The following CMC2 variants were observed in gnomAD, a reference collection of about 807,000 sequenced individuals.
CMC2 encodes the protein C-X9-C motif containing 2, also known as COX assembly mitochondrial protein 2 homolog.
A neutral mutation model predicts 7.5 loss-of-function variants in CMC2; 5 were observed. That is an observed-to-expected ratio of 0.66 (90% confidence interval 0.35 to 1.40). CMC2 has a LOEUF of 1.40. Ranked by LOEUF, CMC2 falls within the 40% of genes most tolerant of loss-of-function variation. The pLI, the probability that CMC2 is intolerant of heterozygous loss-of-function variation, is 0.04. For synonymous variants in CMC2, 37 were observed against 31.4 expected, an observed-to-expected ratio of 1.18 and a Z score of -0.60; for missense variants, 115 against 92.3, an observed-to-expected ratio of 1.25 and a Z score of -1.01.
intron 2 of CMC2, among the ~76,000 whole-genome samples, chr16:80,990,802 T>G (rs900806867): frequency 5.9e-5 from 9 of 152,126 alleles, no homozygotes; most frequent in Non-Finnish European, 1.0e-4. Flanking sequence ...TACTGCAGCC[T>G]TGACCTCCCA....
In CMC2 at chr16:80,970,344, A is replaced by C. The variant is rs1911831687; in HGVS notation, c.*5749T>G. ...GGAATCCTAACTGTAAAGGAATTGG[A>C]GAAAATGCAGTATTTAGCTTTTGAG... On this transcript the variant is annotated 3_prime_UTR_variant, in exon 4 of 4. Transcript: ENST00000219400. 1 of 152,226 alleles carries C rather than the reference A, an allele frequency of 6.6e-6. No homozygotes were observed. Among genetic ancestry groups the C allele is most frequent in the Non-Finnish European group, 1.5e-5 (1 of 68,050 alleles). The allele number at this position is 152,226 out of a possible 1,614,324, so 9.4% of individuals were successfully genotyped here.
intron 2 of CMC2, among the ~76,000 whole-genome samples, chr16:80,992,110 G>C (rs1291198730): frequency 1.3e-5 from 2 of 152,188 alleles, no homozygotes; most frequent in Admixed American, 1.3e-4. Context: ...CACTAGATGT[G>C]AGGTATATGG....
Position 80,973,267 on chromosome 16 carries a change from C to T in CMC2, c.*2826G>A, listed in dbSNP as rs62054243. On this transcript the variant is annotated 3_prime_UTR_variant, in exon 4 of 4. Transcript: ENST00000219400. ...TTCTGCCTCATATTAAGCCCCTCAC[C>T]CCTTTACCCCCTGCCCCATCAGCTG... 6,161 of 152,300 alleles carry T rather than the reference C, an allele frequency of 0.04. 148 individuals carry two copies. The highest frequency in any genetic ancestry group is 0.048 in the Non-Finnish European group (3,254 of 68,064). 9.4% of individuals were successfully genotyped at this position (152,300 alleles called of 1,614,324 possible). A position where few individuals can be genotyped will look rare whatever the true frequency, so the allele number is the denominator to read the frequency against.
chr16:81,002,495 A>G (rs1180476412), intron 1 of CMC2, among the ~76,000 whole-genome samples: 2 of 152,184 alleles, frequency 1.3e-5, no homozygotes, highest in Non-Finnish European at 2.9e-5. Context: ...TTCTAAATGT[A>G]TTTGACAAAA....
intron 3 of CMC2, among the ~76,000 whole-genome samples, chr16:80,978,817 C>A (rs1392937211): frequency 1.3e-5 from 2 of 152,176 alleles, no homozygotes; most frequent in Non-Finnish European, 2.9e-5. Context: ...CGCAGTGGCT[C>A]ACGCCTGTAA....
In CMC2 at chr16:80,997,379, A is replaced by T. The variant is rs760688812; in HGVS notation, c.16T>A (p.Ser6Thr). The T allele has an allele frequency of 1.2e-6, 2 of 1,610,702 alleles. No individual in the cohort carries two copies. The highest frequency in any genetic ancestry group is 3.3e-5 in the Admixed American group (2 of 59,964). Reference sequence around the variant, plus strand: ...CATTCTTCAGTGTGCAAGTGTGGAGATAAGTCAGGATGCATCTTTAGGAGA... The same window carrying T: ...CATTCTTCAGTGTGCAAGTGTGGAGTTAAGTCAGGATGCATCTTTAGGAGA... MHPDL[S>T]PHLHTEECNV... Residue 6 changes from serine to threonine, a missense_variant, in exon 2 of 4, where the codon TCT (serine) becomes ACT (threonine). By Grantham distance (58) the Ser-to-Thr change is moderately conservative (BLOSUM62 1). Coordinates refer to ENST00000219400, the MANE Select transcript of CMC2 (RefSeq NM_020188.5).
chr16:81,002,191 G>T (rs1206374254), intron 1 of CMC2, among the ~76,000 whole-genome samples: 1 of 152,182 alleles, frequency 6.6e-6, no homozygotes, highest in Non-Finnish European at 1.5e-5. Context: ...TTGGGAGGCT[G>T]AGGCAGGTGG....
intron 2 of CMC2, among the ~76,000 whole-genome samples, chr16:80,986,575 T>A (rs1280418356): frequency 6.6e-6 from 1 of 152,068 alleles, no homozygotes; most frequent in Non-Finnish European, 1.5e-5. Context: ...CAGATAGAAG[T>A]CCTTTACAGG....
At chr16:80,988,315 G>C (rs2167890) in intron 2 of CMC2, among the ~76,000 whole-genome samples, 117,023 of 152,062 alleles carry the variant, frequency 0.77, 45,510 homozygotes, top group South Asian at 0.93. Context: ...TGAAGTGCCG[G>C]AGTGACATCA....
At chr16:81,005,590 G>GCGACTTACCACAA (rs140209849) in intron 1 of CMC2, among the ~76,000 whole-genome samples, 5 of 151,650 alleles carry the variant, frequency 3.3e-5, no homozygotes, top group African/African-American at 1.2e-4. Context: ...ACTTATCACA[G>GCGACTTACCACAA]GACCAGTTCT....
Position 81,006,879 on chromosome 16 carries a change from C to T in CMC2, c.-181G>A, listed in dbSNP as rs1466417777. On this transcript the variant is annotated 5_prime_UTR_variant, in exon 1 of 4. Coordinates refer to ENST00000219400, the MANE Select transcript of CMC2 (RefSeq NM_020188.5). ...CGCCCTCCACCGCTCCACCGTGCTC[C>T]CGGCTCCTCGCCCCCGCCGCCCGCG... 3 of 986,104 alleles carry T rather than the reference C, an allele frequency of 3.0e-6. No homozygotes were observed. The highest frequency in any genetic ancestry group is 3.6e-6 in the Non-Finnish European group (3 of 830,590). 61.1% of individuals were successfully genotyped at this position (986,104 alleles called of 1,614,324 possible).
rs1035131166 is a variant in CMC2 at position 80,966,600 on chromosome 16, T to G, written c.*9493A>C. On this transcript the variant is annotated 3_prime_UTR_variant, in exon 4 of 4. Coordinates refer to ENST00000219400, the MANE Select transcript of CMC2 (RefSeq NM_020188.5). ...TATAATACCAATTTCAAAACAATAT[T>G]ATTTTTATTATAAAGTTTTACTTTT... The G allele has an allele frequency of 1.4e-4, 22 of 152,206 alleles. No individual in the cohort carries two copies. Among genetic ancestry groups the G allele is most frequent in the African/African-American group, 5.3e-4 (22 of 41,450 alleles). The allele number at this position is 152,206 out of a possible 1,614,324, so 9.4% of individuals were successfully genotyped here.
intron 2 of CMC2, chr16:80,988,453 A>C (rs1967711112): frequency 1.5e-6 from 1 of 658,886 alleles, no homozygotes; most frequent in East Asian, 2.7e-5. Context: ...TGTCAATTTC[A>C]AACTTGAAGA....
chr16:81,003,447 C>T (rs1196965323), intron 1 of CMC2, among the ~76,000 whole-genome samples: 3 of 152,192 alleles, frequency 2.0e-5, no homozygotes, highest in Non-Finnish European at 4.4e-5. Flanking sequence ...CTTTTAAATT[C>T]AGTTGAACCA....
chr16:80,995,785 A>G (rs1349611914), intron 2 of CMC2, among the ~76,000 whole-genome samples: 1 of 152,202 alleles, frequency 6.6e-6, no homozygotes, highest in Non-Finnish European at 1.5e-5. Context: ...TTGGGGACTC[A>G]CTGCAAAGGG....
In CMC2 at chr16:80,969,626, G is replaced by C. The variant is rs1208957543; in HGVS notation, c.*6467C>G. ...AAGAGAGCCAGGCACGGTGGTTCAG[G>C]CCTGTAATCCCAGCACTTCAGGAGG... On this transcript the variant is annotated 3_prime_UTR_variant, in exon 4 of 4. Coordinates refer to ENST00000219400, the MANE Select transcript of CMC2 (RefSeq NM_020188.5). 6.6e-6 allele frequency: 1 copy of C among 152,376 alleles called. No individual in the cohort carries two copies. Among genetic ancestry groups the C allele is most frequent in the African/African-American group, 2.4e-5 (1 of 41,450 alleles). The allele number at this position is 152,376 out of a possible 1,614,324, so 9.4% of individuals were successfully genotyped here. A position where few individuals can be genotyped will look rare whatever the true frequency, so the allele number is the denominator to read the frequency against.
At chr16:81,004,910 C>A (rs139942899) in intron 1 of CMC2, among the ~76,000 whole-genome samples, 4 of 152,228 alleles carry the variant, frequency 2.6e-5, no homozygotes, top group African/African-American at 9.6e-5. Context: ...TAACTCACTT[C>A]AGCAAATCTA....
At chr16:80,987,987 G>A (rs1156731746) in intron 2 of CMC2, among the ~76,000 whole-genome samples, 1 of 151,618 alleles carries the variant, frequency 6.6e-6, no homozygotes, top group East Asian at 1.9e-4. Flanking sequence ...ATGAGCCTGG[G>A]CAACACAGGA....
At chr16:80,978,451 T>G in intron 3 of CMC2, 1 of 1,129,616 alleles carries the variant, frequency 8.9e-7, no homozygotes, top group Non-Finnish European at 1.2e-6. Flanking sequence ...AATATGAAGT[T>G]ACTCACAAAA....
Sources: gnomAD v4.1 joint callset for allele counts (sites outside exome capture counted in the v4.1 genomes callset) on GRCh38, gnomAD v4.1.1 for gene constraint, MANE v1.5 for transcripts, NCBI Gene and HGNC (gene_info 2026-07-23, HGNC 2026-07-21) for gene names.